LHFPL6: variants seen among roughly 807,000 people sequenced by gnomAD.
LHFPL6 encodes the protein LHFPL tetraspan subfamily member 6 protein.
Under a neutral mutation model 20.6 loss-of-function variants are expected in LHFPL6, and 9 were observed. The ratio of observed to expected loss-of-function variants is 0.44; its 90% CI spans 0.26 to 0.76. LHFPL6 has a LOEUF of 0.76. Among genes scored for constraint, LHFPL6 ranks in the 30% least tolerant of loss-of-function variants. LHFPL6 has a pLI of 0.20. For missense variants in LHFPL6, 218 were observed against 253.5 expected (o/e 0.86, Z 0.95); for synonymous variants, 105 against 98.7 (o/e 1.06, Z -0.38).
intron 2 of LHFPL6, among the ~76,000 whole-genome samples, chr13:39,477,351 T>C (rs1182059022): frequency 6.6e-6 from 1 of 152,214 alleles, no homozygotes; most frequent in Non-Finnish European, 1.5e-5. Context: ...CTGTGTAAGT[T>C]TCTTGGGAGC....
chr13:39,593,898 A>G (rs1872688270), intron 2 of LHFPL6, among the ~76,000 whole-genome samples: 1 of 152,260 alleles, frequency 6.6e-6, no homozygotes, highest in African/African-American at 2.4e-5. Flanking sequence ...GGTGCTAGGA[A>G]GACTGGCTAG....
intron 2 of LHFPL6, among the ~76,000 whole-genome samples, chr13:39,403,493 A>G (rs1871041600): frequency 6.6e-6 from 1 of 152,196 alleles, no homozygotes; most frequent in Non-Finnish European, 1.5e-5. Flanking sequence ...CAGTTGGTTT[A>G]CACTTTCATG....
chr13:39,344,721 G>T (rs1869342993), intron 3 of LHFPL6, among the ~76,000 whole-genome samples: 1 of 152,192 alleles, frequency 6.6e-6, no homozygotes, highest in Non-Finnish European at 1.5e-5. Context: ...TTAAAAATAT[G>T]TAAGTAGATT....
intron 2 of LHFPL6, among the ~76,000 whole-genome samples, chr13:39,561,067 C>T (rs184452058): frequency 6.6e-6 from 1 of 152,060 alleles, no homozygotes; most frequent in African/African-American, 2.4e-5. Context: ...GGTCCACATC[C>T]ATGGTGCTCC....
chr13:39,360,770 A>AAC (rs1869853334), intron 3 of LHFPL6, among the ~76,000 whole-genome samples: 1 of 93,876 alleles, frequency 1.1e-5, no homozygotes, highest in Non-Finnish European at 2.5e-5. Flanking sequence ...AAAAAAAAAA[A>AAC]ACCTTTCTGA....
chr13:39,518,121 A>G (rs560696380), intron 2 of LHFPL6, among the ~76,000 whole-genome samples: 90 of 152,132 alleles, frequency 5.9e-4, no homozygotes, highest in Non-Finnish European at 1.1e-3. Context: ...CCCTGCTTTC[A>G]GAATAAAGTT....
chr13:39,530,634 C>T (rs886065604), intron 2 of LHFPL6, among the ~76,000 whole-genome samples: 1 of 152,062 alleles, frequency 6.6e-6, no homozygotes, highest in Non-Finnish European at 1.5e-5. Context: ...ATTGGATGAA[C>T]CTCAGAATAA....
At chr13:39,518,980 T>A (rs1870017570) in intron 2 of LHFPL6, among the ~76,000 whole-genome samples, 1 of 152,242 alleles carries the variant, frequency 6.6e-6, no homozygotes, top group Admixed American at 6.5e-5. Context: ...CTCACACCTG[T>A]AATTCCAGAA....
At chr13:39,384,246 C>G (rs1032679262) in intron 2 of LHFPL6, among the ~76,000 whole-genome samples, 1 of 152,148 alleles carries the variant, frequency 6.6e-6, no homozygotes, top group African/African-American at 2.4e-5. Flanking sequence ...GTGTAGAGAG[C>G]AATATTCTAA....
chr13:39,363,772 A>G (rs1244495715), intron 3 of LHFPL6, among the ~76,000 whole-genome samples: 1 of 152,198 alleles, frequency 6.6e-6, no homozygotes, highest in Non-Finnish European at 1.5e-5. Flanking sequence ...CTCTTTGGGT[A>G]CTTGCACCAC....
chr13:39,543,921 A>G (rs891831804), intron 2 of LHFPL6, among the ~76,000 whole-genome samples: 1 of 152,228 alleles, frequency 6.6e-6, no homozygotes, highest in Non-Finnish European at 1.5e-5. Flanking sequence ...AAGATTCCTA[A>G]AAAGTCTTGC....
At chr13:39,358,347 AG>A (rs1351078657) in intron 3 of LHFPL6, among the ~76,000 whole-genome samples, 1 of 152,210 alleles carries the variant, frequency 6.6e-6, no homozygotes, top group African/African-American at 2.4e-5. Flanking sequence ...ATCCATATGC[AG>A]AGGAATAAAA....
chr13:39,589,433 C>T (rs1872542220), intron 2 of LHFPL6, among the ~76,000 whole-genome samples: 1 of 152,100 alleles, frequency 6.6e-6, no homozygotes, highest in Non-Finnish European at 1.5e-5. Flanking sequence ...TTTTTAAAAA[C>T]TAGATCCCCA....
intron 2 of LHFPL6, among the ~76,000 whole-genome samples, chr13:39,429,914 C>T (rs1419347247): frequency 6.6e-6 from 1 of 152,330 alleles, no homozygotes; most frequent in East Asian, 1.9e-4. Context: ...AAGCATATTT[C>T]TTTCCCTGGC....
chr13:39,363,449 T>C (rs1202156806), intron 3 of LHFPL6, among the ~76,000 whole-genome samples: 1 of 152,122 alleles, frequency 6.6e-6, no homozygotes, highest in Admixed American at 6.5e-5. Context: ...ATAGTAAATA[T>C]TGTAGTTCAA....
chr13:39,388,947 C>T (rs1870635839), intron 2 of LHFPL6, among the ~76,000 whole-genome samples: 1 of 152,290 alleles, frequency 6.6e-6, no homozygotes, highest in East Asian at 1.9e-4. Flanking sequence ...GTCTTTTCTA[C>T]CGATTGCACT....
rs571347949 is a variant in LHFPL6 at position 39,434,716 on chromosome 13, G to T, written c.386-56190C>A. On this transcript the variant is annotated intron_variant, in intron 2 of 3. Transcript: ENST00000379589. ...CTGGCCATGTAGACTTCACCTCCACGCTTGCAATAAAAAAATGCCAATGTT... is the reference window on the plus strand; with the variant it reads ...CTGGCCATGTAGACTTCACCTCCACTCTTGCAATAAAAAAATGCCAATGTT... Among the ~76,000 whole-genome samples, 5 of 152,134 alleles carry T rather than the reference G, an allele frequency of 3.3e-5. No individual in the cohort carries two copies. The East Asian group carries it at 5.8e-4, about 18-fold the overall frequency.
intron 2 of LHFPL6, among the ~76,000 whole-genome samples, chr13:39,525,051 G>A (rs977389411): frequency 1.3e-5 from 2 of 152,192 alleles, no homozygotes; most frequent in Non-Finnish European, 2.9e-5. Context: ...ATGTCTGGCA[G>A]AAAAAGAAAA....
intron 2 of LHFPL6, among the ~76,000 whole-genome samples, chr13:39,526,905 G>A (rs969302378): frequency 6.6e-6 from 1 of 152,216 alleles, no homozygotes; most frequent in African/African-American, 2.4e-5. Context: ...AGTAGACTCT[G>A]AGAAAACTTT....
Sources: gnomAD v4.1 joint callset for allele counts (sites outside exome capture counted in the v4.1 genomes callset) on GRCh38, gnomAD v4.1.1 for gene constraint, MANE v1.5 for transcripts, NCBI Gene and HGNC (gene_info 2026-07-23, HGNC 2026-07-21) for gene names.